Variants in SPG11 observed in about 807,000 individuals in gnomAD.
The protein encoded by SPG11 is SPG11 vesicle trafficking associated, spatacsin.
SPG11 carries 222 observed loss-of-function variants against 274.0 expected under a neutral mutation model. The observed-to-expected ratio is 0.81, with a 90% CI of 0.73 to 0.91. SPG11 has a LOEUF of 0.91. Among genes scored for constraint, SPG11 ranks in the 40% least tolerant of loss-of-function variants. SPG11 has a pLI of 0.00. For synonymous variants in SPG11, 1,144 were observed against 1,039.7 expected (o/e 1.10, Z -1.93); for missense variants, 3,114 against 2,872.7 (o/e 1.08, Z -1.92).
chr15:44,573,148 G>A (rs931974791), intron 32 of SPG11, among the ~76,000 whole-genome samples: 2 of 151,694 alleles, frequency 1.3e-5, no homozygotes, highest in Non-Finnish European at 2.9e-5. Flanking sequence ...CAACACGCCC[G>A]GCTACTTTTT....
rs370785527 is a variant in SPG11 at position 44,629,225 on chromosome 15, A to G, written c.1891+8T>C. ...TAGAATTGCCCCCTTCCTAGCTGCT[A>G]TTCTTACCTTCAGTGTGAATGAAAA... On this transcript the variant is annotated splice_region_variant and intron_variant, in intron 9 of 39. Coordinates refer to ENST00000261866, the MANE Select transcript of SPG11 (RefSeq NM_025137.4). 1.9e-6 allele frequency: 3 copies of G among 1,613,750 alleles called. No homozygotes were observed. Among genetic ancestry groups the G allele is most frequent in the East Asian group, 2.2e-5 (1 of 44,874 alleles).
intron 8 of SPG11, among the ~76,000 whole-genome samples, chr15:44,631,611 GAC>G (rs2084062565): frequency 6.7e-6 from 1 of 148,920 alleles, no homozygotes; most frequent in Non-Finnish European, 1.5e-5. Context: ...GATGAAGAGA[GAC>G]AGAATAATAC....
chr15:44,636,924 T>TCAAAAAAAAAAAAACAA (rs1254303331), intron 7 of SPG11, among the ~76,000 whole-genome samples: 1 of 10,488 alleles, frequency 9.5e-5, no homozygotes, highest in Non-Finnish European at 1.6e-4. Context: ...AGACTCCATC[T>TCAAAAAAAAAAAAACAA]CAAAAAAAAA....
intron 30 of SPG11, among the ~76,000 whole-genome samples, chr15:44,583,575 T>C (rs2082696768): frequency 6.6e-6 from 1 of 152,234 alleles, no homozygotes; most frequent in Admixed American, 6.5e-5. Context: ...AGAATAAATT[T>C]CAGTGAACTA....
chr15:44,565,982 A>G lies in SPG11; in HGVS notation c.6871T>C (p.Cys2291Arg), dbSNP rs772796744. The G allele has an allele frequency of 6.2e-7, 1 of 1,613,822 alleles. No individual in the cohort carries two copies. The highest frequency in any genetic ancestry group is 8.5e-7 in the Non-Finnish European group (1 of 1,180,044). Residue 2291 changes from cysteine (C) to arginine (R), a missense_variant, in exon 38 of 40, where the codon TGT becomes CGT. Transcript: ENST00000261866. ...GTTATCAACTTGGTGAGCCGCTGACAGTGCTGGGCCTGTCGCACACAGGAG... is the reference window on the plus strand; with the variant it reads ...GTTATCAACTTGGTGAGCCGCTGACGGTGCTGGGCCTGTCGCACACAGGAG... ...KDSCVRQAQH[C>R]QRLTKLITLQ...
intron 14 of SPG11, 74 bp downstream of exon 14, chr15:44,621,685 C>A (rs2083755425): frequency 7.1e-7 from 1 of 1,411,104 alleles, no homozygotes; most frequent in Admixed American, 1.7e-5. Context: ...TGAGACACAT[C>A]AAAATATTCA....
rs531751631 is a variant in SPG11, at chr15:44,588,767, G to A, written c.4906+485C>T. 5.3e-4 allele frequency: 162 copies of A among 307,996 alleles called. 8 individuals are homozygous for A. Among genetic ancestry groups the A allele is most frequent in the South Asian group, 4.4e-3 (160 of 36,034 alleles). 19.1% of individuals were successfully genotyped at this position (307,996 alleles called of 1,614,324 possible). ...GGGTACATAATTGCTCTCTACTCAG[G>A]GGATCGGCAATGTTAATTACCGTCT... On this transcript the variant is annotated intron_variant, in intron 28 of 39. Coordinates refer to ENST00000261866, the MANE Select transcript of SPG11 (RefSeq NM_025137.4).
Position 44,598,716 on chromosome 15 carries a change from T to G in SPG11, c.3807A>C (p.Arg1269Ser). The stretch of plus-strand genomic sequence containing the variant: ...TTATATTGGCCACTTTCATATCAAC[T>G]CTGAGCTTGAGGCTGTCAAGGCCAA... ...ELLGLDSLKL[R>S]VDMKVANIIL... Residue 1269 changes from arginine to serine, a missense_variant, in exon 22 of 40, where the codon AGA (arginine) becomes AGC (serine). Arg to Ser is a moderately radical substitution (Grantham distance 110). Transcript: ENST00000261866. 2 of 1,614,154 alleles carry G rather than the reference T, an allele frequency of 1.2e-6. No individual in the cohort carries two copies. The highest frequency in any genetic ancestry group is 1.7e-6 in the Non-Finnish European group (2 of 1,180,026).
chr15:44,653,229 T>C (rs2084838273), intron 4 of SPG11, among the ~76,000 whole-genome samples: 1 of 152,136 alleles, frequency 6.6e-6, no homozygotes, highest in East Asian at 1.9e-4. Context: ...AAAAGCAATA[T>C]GAACAGATGC....
rs149719736 is a variant in SPG11, at chr15:44,629,221, T to C, written c.1891+12A>G. 48 of 1,613,582 alleles carry C rather than the reference T, an allele frequency of 3.0e-5. No homozygotes were observed. Among genetic ancestry groups the C allele is most frequent in the South Asian group, 1.9e-4 (17 of 91,058 alleles). On this transcript the variant is annotated intron_variant, in intron 9 of 39. Transcript: ENST00000261866. ...ACAGTAGAATTGCCCCCTTCCTAGC[T>C]GCTATTCTTACCTTCAGTGTGAATG...
chr15:44,575,723 G>A (rs2082521953), intron 30 of SPG11, among the ~76,000 whole-genome samples: 2 of 152,034 alleles, frequency 1.3e-5, no homozygotes, highest in Non-Finnish European at 2.9e-5. Context: ...TCAAACTCCT[G>A]GCCTCAACTG....
At chr15:44,638,389 G>T (rs2084339806) in intron 7 of SPG11, among the ~76,000 whole-genome samples, 1 of 152,050 alleles carries the variant, frequency 6.6e-6, no homozygotes, top group African/African-American at 2.4e-5. Flanking sequence ...GAACACAGGA[G>T]GTGGAGGCTA....
intron 13 of SPG11, 54 bp from the exon 14 acceptor site, chr15:44,621,988 A>T: frequency 2.2e-6 from 3 of 1,383,834 alleles, no homozygotes; most frequent in Non-Finnish European, 3.0e-6. Context: ...AAAAGGCATC[A>T]TTCCTTTTTA....
intron 7 of SPG11, among the ~76,000 whole-genome samples, chr15:44,645,459 A>C (rs1019408926): frequency 1.3e-5 from 2 of 152,196 alleles, no homozygotes; most frequent in Non-Finnish European, 2.9e-5. Context: ...CCACATACAA[A>C]AATCAACTCA....
rs771827244 is a variant in SPG11 at position 44,570,541 on chromosome 15, T to C, written c.6461A>G (p.Glu2154Gly). The C allele has an allele frequency of 4.3e-6, 7 of 1,614,076 alleles. No individual in the cohort carries two copies. Among genetic ancestry groups the C allele is most frequent in the Non-Finnish European group, 5.1e-6 (6 of 1,179,964 alleles). Residue 2154 changes from glutamate (E) to glycine (G), a missense_variant, in exon 34 of 40, where the codon GAG becomes GGG. Coordinates refer to ENST00000261866, the MANE Select transcript of SPG11 (RefSeq NM_025137.4). ...GCTACTTACCACCAGCCCATACTCC[T>C]CACTGGGGGCCAGGTGGTTATCTGT... ...MLTDNHLAPS[E>G]EYGLVVRLLT... is the part of the protein sequence containing the mutation.
rs946031954 is a variant in SPG11, at chr15:44,622,476, T to C, written c.2317-129A>G. 4.8e-6 allele frequency: 4 copies of C among 829,660 alleles called. No homozygotes were observed. The East Asian group carries it at 8.0e-5, about 16-fold the overall frequency. The allele number at this position is 829,660 out of a possible 1,614,324, so 51.4% of individuals were successfully genotyped here. On this transcript the variant is annotated intron_variant, in intron 12 of 39. Coordinates refer to ENST00000261866, the MANE Select transcript of SPG11 (RefSeq NM_025137.4). ...TATTAAAAAAAGTCATGAGATAATATGCCATTCAAGAATTATATTTTGAAC... is the reference window on the plus strand; with the variant it reads ...TATTAAAAAAAGTCATGAGATAATACGCCATTCAAGAATTATATTTTGAAC...
At chr15:44,598,898 C>T in intron 21 of SPG11, 62 bp from the exon 22 acceptor site, 1 of 1,505,632 alleles carries the variant, frequency 6.6e-7, no homozygotes, top group African/African-American at 1.4e-5. Flanking sequence ...CCAGGAAAAG[C>T]AAATGGAATT....
intron 27 of SPG11, 60 bp downstream of exon 27, chr15:44,592,265 CAAAAAA>C: frequency 6.0e-6 from 6 of 994,078 alleles, no homozygotes. Flanking sequence ...TAAACAAAAA[CAAAAAA>C]GTCCATGCAT....
chr15:44,576,779 A>G (rs995484862), intron 30 of SPG11, among the ~76,000 whole-genome samples: 2 of 152,184 alleles, frequency 1.3e-5, no homozygotes, highest in African/African-American at 4.8e-5. Context: ...ATGCATACCA[A>G]GCAAGTAAAA....
Sources: allele counts gnomAD v4.1 joint callset (sites outside exome capture counted in the v4.1 genomes callset), GRCh38; gene constraint gnomAD v4.1.1; transcripts MANE v1.5; gene names NCBI Gene and HGNC (gene_info 2026-07-23, HGNC 2026-07-21).